Variants in RYR3 observed in about 807,000 individuals in gnomAD.
The protein encoded by RYR3 is brain ryanodine receptor-calcium release channel.
A neutral mutation model predicts 584.3 loss-of-function variants in RYR3; 207 were observed. The ratio of observed to expected loss-of-function variants is 0.35; its 90% CI spans 0.32 to 0.40. The LOEUF (loss-of-function observed/expected upper bound fraction) is 0.40. Ranked by LOEUF, RYR3 falls within the 10% of genes least tolerant of loss-of-function variation. The pLI, the probability that RYR3 is intolerant of heterozygous loss-of-function variation, is 1.00. For synonymous variants in RYR3, 2,416 were observed against 2,248.5 expected, an observed-to-expected ratio of 1.07 and a Z score of -2.11; for missense variants, 5,616 against 6,089.2, an observed-to-expected ratio of 0.92 and a Z score of 2.59.
chr15:33,347,357 A>G (rs1972583498), intron 1 of RYR3, among the ~76,000 whole-genome samples: 1 of 152,194 alleles, frequency 6.6e-6, no homozygotes, highest in African/African-American at 2.4e-5. Flanking sequence ...ATGTAAATAA[A>G]TGGAATCATG....
intron 65 of RYR3, among the ~76,000 whole-genome samples, chr15:33,784,614 G>A (rs1023883827): frequency 1.3e-5 from 2 of 152,164 alleles, no homozygotes; most frequent in Admixed American, 6.5e-5. Context: ...TTTTGCCCCC[G>A]TTTGAGAAGT....
rs1400149792 is a variant in RYR3, at chr15:33,826,750, G to A, written c.11243G>A (p.Ser3748Asn). 3 of 1,607,898 alleles carry A rather than the reference G, an allele frequency of 1.9e-6. No homozygotes were observed. The highest frequency in any genetic ancestry group is 1.1e-5 in the South Asian group (1 of 90,070). ...CAGTTACTTTGTGAGGGACATAACA[G>A]TGGTGAGTGGAACAGATTGATCTGC... ...FLQLLCEGHN[S>N]DFQNFLRTQM... Residue 3748 changes from serine (S) to asparagine (N), a missense_variant and splice_region_variant, in exon 84 of 104, where the codon AGT (serine) becomes AAT (asparagine). Ser to Asn is a conservative substitution (Grantham distance 46). Transcript: ENST00000634891.
chr15:33,725,975 CCA>C (rs1491331214), intron 45 of RYR3, among the ~76,000 whole-genome samples: 17 of 10,074 alleles, frequency 1.7e-3, no homozygotes, highest in Admixed American at 6.5e-3. Context: ...ATCCCCCCCC[CCA>C]AAAAAAAAAA....
chr15:33,378,920 G>A (rs1332371886), intron 1 of RYR3, among the ~76,000 whole-genome samples: 1 of 151,860 alleles, frequency 6.6e-6, no homozygotes, highest in Non-Finnish European at 1.5e-5. Flanking sequence ...AGCTATGATT[G>A]TGCTACTGCT....
At chr15:33,533,428 G>C in intron 5 of RYR3, 39 bp downstream of exon 5, 2 of 1,452,380 alleles carry the variant, frequency 1.4e-6, no homozygotes, top group Non-Finnish European at 1.9e-6. Flanking sequence ...CTCAGCGGGG[G>C]TCTTGGGCTA....
At chr15:33,743,750 C>T (rs2070406755) in intron 52 of RYR3, among the ~76,000 whole-genome samples, 1 of 152,234 alleles carries the variant, frequency 6.6e-6, no homozygotes, top group African/African-American at 2.4e-5. Flanking sequence ...CATCGTCTTT[C>T]ACCCAGACGA....
chr15:33,821,896 A>G (rs1186413349), intron 80 of RYR3, among the ~76,000 whole-genome samples: 1 of 152,188 alleles, frequency 6.6e-6, no homozygotes, highest in Non-Finnish European at 1.5e-5. Context: ...AAAATTTCCT[A>G]AGAGTTAGGT....
chr15:33,395,173 T>G (rs924186628), intron 1 of RYR3, among the ~76,000 whole-genome samples: 1 of 152,206 alleles, frequency 6.6e-6, no homozygotes, highest in Admixed American at 6.5e-5. Context: ...TTTTAAAATT[T>G]GATTGTGGAA....
At chr15:33,483,923 C>T (rs768303476) in intron 2 of RYR3, among the ~76,000 whole-genome samples, 2 of 152,208 alleles carry the variant, frequency 1.3e-5, no homozygotes, top group Admixed American at 6.5e-5. Flanking sequence ...CAGGAGAGTA[C>T]CCTTAGAAGA....
intron 1 of RYR3, among the ~76,000 whole-genome samples, chr15:33,331,577 C>T (rs1407165140): frequency 6.6e-6 from 1 of 151,942 alleles, no homozygotes; most frequent in Non-Finnish European, 1.5e-5. Context: ...CATATTTATA[C>T]ATTAAGTGCT....
At chr15:33,389,308 G>A (rs1212138686) in intron 1 of RYR3, among the ~76,000 whole-genome samples, 2 of 152,086 alleles carry the variant, frequency 1.3e-5, no homozygotes, top group Non-Finnish European at 2.9e-5. Flanking sequence ...ACCAAAAGTA[G>A]CAATCAATAG....
rs141318171 is a variant in RYR3, at chr15:33,366,564, G to T, written c.51+55468G>T. On this transcript the variant is annotated intron_variant, in intron 1 of 103. Coordinates refer to ENST00000634891, the MANE Select transcript of RYR3 (RefSeq NM_001036.6). ...GAACAAGAATTAAGGGTTTTAAATG[G>T]ACAGTCTACTCAATCTGAGGCAACA... is the stretch of plus-strand genomic sequence containing the variant. 1.3e-3 allele frequency among the ~76,000 whole-genome samples: 201 copies of T among 152,314 alleles called. 3 individuals are homozygous for T. The East Asian group carries it at 0.036, about 27-fold the overall frequency.
chr15:33,726,611 G>C, intron 46 of RYR3, 105 bp downstream of exon 46: 2 of 1,278,354 alleles, frequency 1.6e-6, no homozygotes, highest in Non-Finnish European at 2.1e-6. Flanking sequence ...GACTTGCAGG[G>C]CGGGCTGCAC....
chr15:33,341,848 A>T (rs1025418177), intron 1 of RYR3, among the ~76,000 whole-genome samples: 3 of 62,070 alleles, frequency 4.8e-5, no homozygotes, highest in Admixed American at 1.6e-4. Context: ...AGAAAAAATT[A>T]AAAAAAAAAA....
At position 33,629,950 on chromosome 15, in the gene RYR3, A is replaced by G. The variant is rs1230712543; in HGVS notation, c.2690A>G (p.Asp897Gly). 1 of 1,593,710 alleles carries G rather than the reference A, an allele frequency of 6.3e-7. No homozygotes were observed. The highest frequency in any genetic ancestry group is 8.6e-7 in the Non-Finnish European group (1 of 1,167,858). Residue 897 changes from aspartate to glycine, a missense_variant, in exon 22 of 104, where the codon GAC (aspartate) becomes GGC (glycine). Transcript: ENST00000634891. ...TATGTCACCACCTAGATACGAGATGACAATAAAAGACAACACCCTTGCCTT... is the reference window on the plus strand; with the variant it reads ...TATGTCACCACCTAGATACGAGATGGCAATAAAAGACAACACCCTTGCCTT... ...LGWTFGKIRD[D>G]NKRQHPCLVE...
At chr15:33,419,465 G>A (rs941369463) in intron 1 of RYR3, among the ~76,000 whole-genome samples, 6 of 152,042 alleles carry the variant, frequency 3.9e-5, no homozygotes, top group South Asian at 2.1e-4. Context: ...GCCTCTAATC[G>A]TAAACTTTTG....
At chr15:33,719,987 T>C (rs992060586) in intron 43 of RYR3, among the ~76,000 whole-genome samples, 10 of 152,226 alleles carry the variant, frequency 6.6e-5, no homozygotes, top group Admixed American at 5.2e-4. Context: ...TAAAAACTGA[T>C]TGTTTTTTAG....
intron 18 of RYR3, among the ~76,000 whole-genome samples, chr15:33,604,884 G>C (rs191119806): frequency 1.3e-5 from 2 of 152,168 alleles, no homozygotes; most frequent in Admixed American, 6.5e-5. Context: ...GCACCTTTGC[G>C]GCTCCTGAGT....
rs749901855 is a variant in RYR3, at chr15:33,634,659, G to A, written c.3101G>A (p.Arg1034Lys). ...LLDERTKKSNRDSLREAVRTF... is the reference protein window; with the variant it reads ...LLDERTKKSNKDSLREAVRTF... The stretch of plus-strand genomic sequence containing the variant: ...GATGAGCGTACCAAGAAGTCAAACA[G>A]GGACAGCCTGCGGGAAGCTGTGCGC... Residue 1034 changes from arginine to lysine, a missense_variant, in exon 25 of 104, where the codon AGG becomes AAG. Around this residue, in one of 9 missense-constraint regions of RYR3, gnomAD observed 1,284 missense variants for 1,344.6 expected, o/e 0.95. Coordinates refer to ENST00000634891, the MANE Select transcript of RYR3 (RefSeq NM_001036.6). The A allele has an allele frequency of 1.2e-6, 2 of 1,613,974 alleles. No homozygotes were observed. The highest frequency in any genetic ancestry group is 2.2e-5 in the South Asian group (2 of 91,084).
Sources: allele counts gnomAD v4.1 joint callset (sites outside exome capture counted in the v4.1 genomes callset), GRCh38; gene constraint gnomAD v4.1.1; regional missense constraint gnomAD v4.1.1; transcripts MANE v1.5; gene names NCBI Gene and HGNC (gene_info 2026-07-23, HGNC 2026-07-21).